PAMR1: variants seen among roughly 807,000 people sequenced by gnomAD.
PAMR1 encodes the protein peptidase domain containing associated with muscle regeneration 1, also known as inactive serine protease PAMR1.
A neutral mutation model predicts 81.8 loss-of-function variants in PAMR1; 88 were observed. The observed-to-expected ratio is 1.08, with a 90% CI of 0.91 to 1.28. The LOEUF is 1.28. Ranked by LOEUF, PAMR1 falls within the 50% of genes most tolerant of loss-of-function variation. PAMR1 has a pLI of 0.00. For missense variants in PAMR1, 935 were observed against 919.7 expected (o/e 1.02, Z -0.21); for synonymous variants, 336 against 345.3 (o/e 0.97, Z 0.30).
chr11:35,530,011 A>C (rs1234303197), upstream of PAMR1: 1 of 152,226 alleles, frequency 6.6e-6, no homozygotes, highest in East Asian at 1.9e-4. Context: ...GAATTCTTAC[A>C]GTTCCCTCTA....
At chr11:35,448,512 AC>A (rs1205008080) in intron 6 of PAMR1, among the ~76,000 whole-genome samples, 1 of 151,958 alleles carries the variant, frequency 6.6e-6, no homozygotes, top group Non-Finnish European at 1.5e-5. Context: ...TCCTCTCTAG[AC>A]TGATTATTCT....
At chr11:35,490,549 G>A (rs1850602249) in intron 3 of PAMR1, among the ~76,000 whole-genome samples, 1 of 152,206 alleles carries the variant, frequency 6.6e-6, no homozygotes, top group Non-Finnish European at 1.5e-5. Flanking sequence ...TCACTTGAGA[G>A]GTTGAATCAG....
intron 3 of PAMR1, among the ~76,000 whole-genome samples, chr11:35,480,924 A>G (rs1175767404): frequency 1.3e-5 from 2 of 152,086 alleles, no homozygotes; most frequent in South Asian, 2.1e-4. Flanking sequence ...CTCATTGTTC[A>G]GCTCCCACTT....
intron 6 of PAMR1, among the ~76,000 whole-genome samples, chr11:35,455,365 G>C (rs1433432318): frequency 6.6e-6 from 1 of 152,190 alleles, no homozygotes; most frequent in Non-Finnish European, 1.5e-5. Flanking sequence ...TCCTAACCTG[G>C]GAGTGGAGGC....
At position 35,435,977 on chromosome 11, in the gene PAMR1, C is replaced by T. The variant is rs771186153; in HGVS notation, c.1259G>A (p.Arg420His). ...LQYECISPFY[R>H]RLGSSRRTCL... ...TGTCCTCCTGCTGCTGCCCAGGCGG[C>T]GGTAGAAGGGTGAGATGCACTCATA... The change falls in exon 9 of 11, where the codon CGC (arginine) becomes CAC (histidine). Residue 420 changes from arginine (R) to histidine (H), a missense_variant. By Grantham distance (29) the Arg-to-His change is conservative. Transcript: ENST00000619888. 56 of 1,614,024 alleles carry T rather than the reference C, an allele frequency of 3.5e-5. No individual in the cohort carries two copies. Among genetic ancestry groups the T allele is most frequent in the Non-Finnish European group, 3.6e-5 (42 of 1,180,048 alleles).
chr11:35,437,079 A>G (rs1435552876), intron 8 of PAMR1, among the ~76,000 whole-genome samples: 2 of 152,194 alleles, frequency 1.3e-5, no homozygotes, highest in African/African-American at 4.8e-5. Flanking sequence ...AATATGAAGC[A>G]TTGCATATAA....
intron 6 of PAMR1, among the ~76,000 whole-genome samples, chr11:35,447,120 A>G (rs1369369429): frequency 1.3e-5 from 2 of 151,856 alleles, no homozygotes; most frequent in Non-Finnish European, 2.9e-5. Context: ...TTGTTGGTTT[A>G]AAGTCTGTTT....
Position 35,446,578 on chromosome 11 carries a change from C to T in PAMR1, c.821-4885G>A, listed in dbSNP as rs552476452. 9.2e-5 allele frequency among the ~76,000 whole-genome samples: 14 copies of T among 152,268 alleles called. No homozygotes were observed. The South Asian group carries it at 2.9e-3, about 32-fold the overall frequency. ...TTTCAAAGAACTTCTTGATTTCTGC[C>T]TTAATTTCATTATTTACCCAGGAGT... On this transcript the variant is annotated intron_variant, in intron 6 of 10. Transcript: ENST00000619888.
intron 5 of PAMR1, among the ~76,000 whole-genome samples, chr11:35,469,242 A>G (rs916619808): frequency 6.6e-6 from 1 of 152,176 alleles, no homozygotes; most frequent in Non-Finnish European, 1.5e-5. Flanking sequence ...ACAAACAGGG[A>G]TGTTTGAAAA....
At chr11:35,455,160 T>C (rs2135359981) in intron 6 of PAMR1, among the ~76,000 whole-genome samples, 1 of 152,302 alleles carries the variant, frequency 6.6e-6, no homozygotes, top group East Asian at 1.9e-4. Context: ...TAAAAGTAGC[T>C]GAGATGACCA....
At chr11:35,440,136 C>T (rs888230518) in intron 7 of PAMR1, among the ~76,000 whole-genome samples, 2 of 152,192 alleles carry the variant, frequency 1.3e-5, no homozygotes, top group African/African-American at 4.8e-5. Flanking sequence ...CTGATTCCTC[C>T]ATGTTCTTTC....
At chr11:35,518,443 A>G (rs1006186812) in intron 1 of PAMR1, among the ~76,000 whole-genome samples, 17 of 151,598 alleles carry the variant, frequency 1.1e-4, no homozygotes, top group Admixed American at 1.1e-3. Context: ...TTTCCTCTTT[A>G]ATGGTGAGAT....
chr11:35,447,202 C>CTTTTT (rs35773880), intron 6 of PAMR1, among the ~76,000 whole-genome samples: 2 of 123,306 alleles, frequency 1.6e-5, no homozygotes, highest in East Asian at 2.3e-4. Context: ...TCCTCCATCC[C>CTTTTT]TTTTTTTTTT....
intron 3 of PAMR1, among the ~76,000 whole-genome samples, chr11:35,479,296 C>T (rs144830306): frequency 9.2e-5 from 14 of 152,234 alleles, no homozygotes; most frequent in Admixed American, 2.0e-4. Context: ...AATCTTAGTT[C>T]GGCCACTTAC....
At chr11:35,452,956 G>T (rs1856450630) in intron 6 of PAMR1, among the ~76,000 whole-genome samples, 1 of 152,188 alleles carries the variant, frequency 6.6e-6, no homozygotes, top group Non-Finnish European at 1.5e-5. Context: ...TAATCATTTG[G>T]TTCCCCAGTG....
In PAMR1 at chr11:35,432,483, G is replaced by T; in HGVS notation, c.2036C>A (p.Pro679His). ...TCCCATCAGATGCCAGCGTGGCTCA[G>T]GAGATGCTCGTCCCGGGAAGGACAC... Reference protein sequence around the residue: ...AAVSFPGRASPEPRWHLMGLV... With the variant: ...AAVSFPGRASHEPRWHLMGLV... The change falls in exon 11 of 11, where the codon CCT (proline) becomes CAT (histidine). Residue 679 changes from proline to histidine, a missense_variant. Physicochemically the swap from Pro to His is moderately conservative, Grantham distance 77 (BLOSUM62 -2). Coordinates refer to ENST00000619888, the MANE Select transcript of PAMR1 (RefSeq NM_001001991.3). 1 of 1,614,230 alleles carries T rather than the reference G, an allele frequency of 6.2e-7. No homozygotes were observed. Among genetic ancestry groups the T allele is most frequent in the Non-Finnish European group, 8.5e-7 (1 of 1,180,048 alleles).
At chr11:35,433,956 T>C (rs1855975646) in intron 10 of PAMR1, among the ~76,000 whole-genome samples, 1 of 152,132 alleles carries the variant, frequency 6.6e-6, no homozygotes, top group Non-Finnish European at 1.5e-5. Flanking sequence ...TATTGTAAAT[T>C]TGTTAAGAGT....
At position 35,436,849 on chromosome 11, in the gene PAMR1, A is replaced by T. The variant is rs530852997; in HGVS notation, c.1101-714T>A. On this transcript the variant is annotated intron_variant, in intron 8 of 10. Transcript: ENST00000619888. ...ATCCAAAGGTACATTATACATGCAC[A>T]CACAAAGAAATTAATTGCAACATTA... is the stretch of plus-strand genomic sequence containing the variant. Among the ~76,000 whole-genome samples, 7 of 152,330 alleles carry T rather than the reference A, an allele frequency of 4.6e-5. No homozygotes were observed. The South Asian group carries it at 1.5e-3, about 32-fold the overall frequency.
rs750765545 is a variant in PAMR1, at chr11:35,525,605, C to T, written c.-20G>A. On this transcript the variant is annotated 5_prime_UTR_variant, in exon 1 of 11. Transcript: ENST00000619888. ...CTCCATCCTTGCCGCGGCTGGTGCC[C>T]GAGCGTCTACTGGGGAGGGAGAGGA... 3.8e-5 allele frequency: 62 copies of T among 1,611,994 alleles called. No individual in the cohort carries two copies. The highest frequency in any genetic ancestry group is 5.1e-5 in the Non-Finnish European group (60 of 1,178,792).
Sources: allele counts gnomAD v4.1 joint callset (sites outside exome capture counted in the v4.1 genomes callset), GRCh38; gene constraint gnomAD v4.1.1; transcripts MANE v1.5; gene names NCBI Gene and HGNC (gene_info 2026-07-23, HGNC 2026-07-21).